The following ARMC3 variants were observed in gnomAD, a reference collection of about 807,000 sequenced individuals.
The protein encoded by ARMC3 is armadillo repeat-containing protein 3.
Under a neutral mutation model 90.3 loss-of-function variants are expected in ARMC3, and 74 were observed. That is an observed-to-expected ratio of 0.82 (90% confidence interval 0.68 to 0.99). The LOEUF (loss-of-function observed/expected upper bound fraction) is 0.99. Among genes scored for constraint, ARMC3 ranks in the 50% least tolerant of loss-of-function variants. ARMC3 has a pLI of 0.00. For synonymous variants in ARMC3, 334 were observed against 361.8 expected (o/e 0.92, Z 0.87); for missense variants, 958 against 1,042.8 (o/e 0.92, Z 1.12).
rs1835265643 is a variant in ARMC3 at position 22,962,941 on chromosome 10, T to G, written c.732+863T>G. Among the ~76,000 whole-genome samples the G allele has an allele frequency of 2.0e-5, 3 of 152,306 alleles. No individual in the cohort carries two copies. The South Asian group carries it at 6.2e-4, about 32-fold the overall frequency. On this transcript the variant is annotated intron_variant, in intron 7 of 18. Transcript: ENST00000298032. ...GATCCCATATGTGATCCCCTATAATTACACTTGTGATGCAAAATCCTAGTA... is the reference window on the plus strand; with the variant it reads ...GATCCCATATGTGATCCCCTATAATGACACTTGTGATGCAAAATCCTAGTA...
intron 1 of ARMC3, among the ~76,000 whole-genome samples, chr10:22,930,533 C>T (rs1174166900): frequency 2.6e-5 from 4 of 152,268 alleles, no homozygotes; most frequent in Non-Finnish European, 5.9e-5. Flanking sequence ...AATAAGCTTG[C>T]CCAGGCCCTC....
chr10:22,929,719 T>C (rs1833859210), intron 1 of ARMC3, among the ~76,000 whole-genome samples: 1 of 152,246 alleles, frequency 6.6e-6, no homozygotes, highest in Admixed American at 6.5e-5. Context: ...CCAGGCTAAT[T>C]TTTGTATTTT....
chr10:23,028,606 C>A (rs1313631523), intron 16 of ARMC3, among the ~76,000 whole-genome samples: 4 of 152,158 alleles, frequency 2.6e-5, no homozygotes. Context: ...TTTTAGCAGA[C>A]AATTGACTAA....
At chr10:22,992,961 G>A (rs572244577) in intron 10 of ARMC3, among the ~76,000 whole-genome samples, 10 of 148,032 alleles carry the variant, frequency 6.8e-5, no homozygotes, top group Admixed American at 4.1e-4. Flanking sequence ...AGTGTCTGCC[G>A]CCAATATGTC....
intron 8 of ARMC3, among the ~76,000 whole-genome samples, chr10:22,973,159 C>T (rs532976286): frequency 2.6e-5 from 4 of 151,708 alleles, no homozygotes; most frequent in African/African-American, 9.7e-5. Context: ...ATGAGCCATG[C>T]GTGATGTTGT....
intron 16 of ARMC3, among the ~76,000 whole-genome samples, chr10:23,028,987 G>T (rs373812617): frequency 2.0e-5 from 3 of 152,096 alleles, no homozygotes; most frequent in African/African-American, 7.2e-5. Context: ...CTGCACTCTT[G>T]ACATGACTGC....
chr10:22,931,021 G>C (rs900726586), intron 1 of ARMC3, among the ~76,000 whole-genome samples: 1 of 151,780 alleles, frequency 6.6e-6, no homozygotes, highest in African/African-American at 2.4e-5. Context: ...TCCGCCTCCC[G>C]GGTTCAAGTG....
At chr10:23,034,694 T>C (rs1206646879) in intron 18 of ARMC3, among the ~76,000 whole-genome samples, 1 of 152,164 alleles carries the variant, frequency 6.6e-6, no homozygotes, top group African/African-American at 2.4e-5. Flanking sequence ...ATAAGGACGT[T>C]AGTGATCTCC....
intron 8 of ARMC3, among the ~76,000 whole-genome samples, chr10:22,980,844 G>A (rs1169692206): frequency 6.6e-6 from 1 of 152,078 alleles, no homozygotes; most frequent in African/African-American, 2.4e-5. Context: ...TTAAGACTCA[G>A]GATCATACTT....
intron 10 of ARMC3, among the ~76,000 whole-genome samples, chr10:22,992,457 A>G (rs1836753108): frequency 6.6e-6 from 1 of 152,212 alleles, no homozygotes; most frequent in African/African-American, 2.4e-5. Flanking sequence ...CTATAGATGC[A>G]AACACATTTT....
chr10:22,981,172 A>G (rs1836165642), intron 8 of ARMC3, among the ~76,000 whole-genome samples, 168 bp from the exon 9 acceptor site: 1 of 152,220 alleles, frequency 6.6e-6, no homozygotes, highest in African/African-American at 2.4e-5. Flanking sequence ...CATTTTGCAT[A>G]ATTACTGTAT....
chr10:23,001,256 A>G (rs538355063), intron 11 of ARMC3, among the ~76,000 whole-genome samples: 1 of 152,250 alleles, frequency 6.6e-6, no homozygotes, highest in South Asian at 2.1e-4. Context: ...TGTAAATCGA[A>G]TATCATATGG....
chr10:22,965,302 A>G lies in ARMC3; in HGVS notation c.733-3004A>G, dbSNP rs77039915. ...TGGAAGTTGCTTCCTTTTGCCTTTAATTTTGAAAAGACATTTTTGCTTGAT... is the reference window on the plus strand; with the variant it reads ...TGGAAGTTGCTTCCTTTTGCCTTTAGTTTTGAAAAGACATTTTTGCTTGAT... On this transcript the variant is annotated intron_variant, in intron 7 of 18. Coordinates refer to ENST00000298032, the MANE Select transcript of ARMC3 (RefSeq NM_173081.5). Among the ~76,000 whole-genome samples the G allele has an allele frequency of 7.2e-4, 110 of 152,192 alleles. 2 individuals are homozygous for G. The East Asian group carries it at 0.021, about 29-fold the overall frequency.
intron 2 of ARMC3, among the ~76,000 whole-genome samples, chr10:22,941,287 T>G (rs922595620): frequency 1.3e-5 from 2 of 152,288 alleles, no homozygotes; most frequent in South Asian, 4.2e-4. Context: ...TACAGATGTG[T>G]ATGTTTCTTA....
At chr10:22,993,889 T>C (rs1836828361) in intron 10 of ARMC3, among the ~76,000 whole-genome samples, 1 of 152,186 alleles carries the variant, frequency 6.6e-6, no homozygotes, top group African/African-American at 2.4e-5. Context: ...ATAGACGCTA[T>C]TTGTGTTTGA....
rs555916720 is a variant in ARMC3 at position 23,032,852 on chromosome 10, T to C, written c.2247-9T>C. The C allele has an allele frequency of 1.2e-6, 2 of 1,607,910 alleles. No individual in the cohort carries two copies. Among genetic ancestry groups the C allele is most frequent in the African/African-American group, 2.7e-5 (2 of 74,768 alleles). The stretch of plus-strand genomic sequence containing the variant: ...ATTGACCGATTTGATCTCAATGTAA[T>C]TGACACAGGTATGTAGCAGAAAAAA... On this transcript the variant is annotated splice_polypyrimidine_tract_variant and intron_variant, in intron 17 of 18. Transcript: ENST00000298032.
At chr10:22,987,312 G>A (rs1588883011) in intron 10 of ARMC3, among the ~76,000 whole-genome samples, 1 of 152,146 alleles carries the variant, frequency 6.6e-6, no homozygotes, top group Non-Finnish European at 1.5e-5. Flanking sequence ...CACATTAAAA[G>A]AATGTTTTAA....
At chr10:22,997,447 T>C (rs1355656694) in intron 10 of ARMC3, 1 of 152,244 alleles carries the variant, frequency 6.6e-6, no homozygotes, top group Non-Finnish European at 1.5e-5. Context: ...AGTCTTTTAC[T>C]AGAGACAGGA....
intron 3 of ARMC3, among the ~76,000 whole-genome samples, chr10:22,951,834 G>C (rs913534887): frequency 3.3e-5 from 5 of 152,058 alleles, no homozygotes; most frequent in Admixed American, 2.0e-4. Context: ...TAAGAAACTA[G>C]AAAAAGAAGA....
Sources: gnomAD v4.1 joint callset for allele counts (sites outside exome capture counted in the v4.1 genomes callset) on GRCh38, gnomAD v4.1.1 for gene constraint, MANE v1.5 for transcripts, NCBI Gene and HGNC (gene_info 2026-07-23, HGNC 2026-07-21) for gene names.